NCKAP5: variants seen among roughly 807,000 people sequenced by gnomAD.
NCKAP5 encodes the protein NCK associated protein 5.
Under a neutral mutation model 167.0 loss-of-function variants are expected in NCKAP5, and 92 were observed. The ratio of observed to expected loss-of-function variants is 0.55; its 90% CI spans 0.47 to 0.66. The LOEUF is 0.66. Among genes scored for constraint, NCKAP5 ranks in the 30% least tolerant of loss-of-function variants. The probability of loss-of-function intolerance (pLI) is 0.00; values close to 1 mark genes in which losing one functional copy is unlikely to be tolerated. For synonymous variants in NCKAP5, 891 were observed against 877.4 expected (o/e 1.02, Z -0.27); for missense variants, 2,378 against 2,315.0 (o/e 1.03, Z -0.56).
intron 11 of NCKAP5, among the ~76,000 whole-genome samples, chr2:132,858,411 A>G (rs1689632209): frequency 6.6e-6 from 1 of 152,254 alleles, no homozygotes; most frequent in South Asian, 2.1e-4. Context: ...CACTCAACGC[A>G]TAATGACTGA....
chr2:133,365,443 G>A (rs149083335), intron 3 of NCKAP5, among the ~76,000 whole-genome samples: 1 of 151,836 alleles, frequency 6.6e-6, no homozygotes, highest in East Asian at 1.9e-4. Flanking sequence ...GACTCTGGTT[G>A]CCTGTCCTAC....
chr2:132,739,577 C>T (rs1455878764), intron 16 of NCKAP5, among the ~76,000 whole-genome samples: 1 of 152,076 alleles, frequency 6.6e-6, no homozygotes, highest in African/African-American at 2.4e-5. Context: ...AACCGGTTGT[C>T]AGGGAGAAGT....
chr2:133,379,208 A>T (rs544117453), intron 3 of NCKAP5, among the ~76,000 whole-genome samples: 1 of 152,346 alleles, frequency 6.6e-6, no homozygotes, highest in South Asian at 2.1e-4. Flanking sequence ...ACATTATTTC[A>T]CACTTCACTG....
chr2:133,503,568 A>G (rs977218176), intron 3 of NCKAP5, among the ~76,000 whole-genome samples: 1 of 152,146 alleles, frequency 6.6e-6, no homozygotes, highest in Non-Finnish European at 1.5e-5. Context: ...ACTTATCAAC[A>G]TGGGCAGTGA....
At chr2:133,552,959 A>G (rs1687469539) in intron 2 of NCKAP5, among the ~76,000 whole-genome samples, 1 of 152,150 alleles carries the variant, frequency 6.6e-6, no homozygotes, top group Non-Finnish European at 1.5e-5. Context: ...TCAGAGCCCA[A>G]GTTTTAAAAA....
chr2:133,383,914 T>C (rs1686726949), intron 3 of NCKAP5, among the ~76,000 whole-genome samples: 3 of 152,194 alleles, frequency 2.0e-5, no homozygotes. Flanking sequence ...ATGGGGTTGT[T>C]TTTTTCTTGT....
chr2:132,957,439 C>T (rs72994876), intron 8 of NCKAP5, among the ~76,000 whole-genome samples: 2,939 of 152,296 alleles, frequency 0.019, 105 homozygotes, highest in African/African-American at 0.067. Context: ...TCACTGACTA[C>T]ATGACCTTGG....
the NCKAP5 span, among the ~76,000 whole-genome samples, chr2:133,607,293 T>C: frequency 1.3e-5 from 2 of 152,232 alleles, no homozygotes; most frequent in Admixed American, 6.5e-5. Flanking sequence ...GAGGTGAGTT[T>C]GTTGCTCCCT....
intron 3 of NCKAP5, among the ~76,000 whole-genome samples, chr2:133,475,012 T>C (rs1307804044): frequency 6.6e-6 from 1 of 152,152 alleles, no homozygotes. Flanking sequence ...GGTTTCACCA[T>C]GCGGACCAGG....
At chr2:132,715,338 C>T (rs1037876963) in intron 19 of NCKAP5, among the ~76,000 whole-genome samples, 3 of 152,128 alleles carry the variant, frequency 2.0e-5, no homozygotes, top group Non-Finnish European at 2.9e-5. Flanking sequence ...GTTAATCTTC[C>T]GTGTCTGGTG....
chr2:132,948,390 A>G (rs1340764289), intron 8 of NCKAP5, among the ~76,000 whole-genome samples: 1 of 152,180 alleles, frequency 6.6e-6, no homozygotes, highest in Non-Finnish European at 1.5e-5. Flanking sequence ...AGAAGTTAAA[A>G]GGGACTGTTG....
At chr2:132,891,815 C>A (rs927293764) in intron 8 of NCKAP5, among the ~76,000 whole-genome samples, 1 of 152,230 alleles carries the variant, frequency 6.6e-6, no homozygotes, top group African/African-American at 2.4e-5. Context: ...TAAAGCAGAT[C>A]TATCTTCCTA....
chr2:133,619,684 G>A, the NCKAP5 span, among the ~76,000 whole-genome samples: 4 of 151,992 alleles, frequency 2.6e-5, no homozygotes, highest in African/African-American at 7.2e-5. Flanking sequence ...CATTTTTGAG[G>A]GAATAATCAA....
chr2:133,469,987 G>A (rs146799993), intron 3 of NCKAP5, among the ~76,000 whole-genome samples: 32,763 of 150,904 alleles, frequency 0.22, 3,943 homozygotes, highest in East Asian at 0.4. Flanking sequence ...TAATTTGATC[G>A]TCTGAAGCCT....
At chr2:132,861,472 A>G (rs1197557508) in intron 10 of NCKAP5, among the ~76,000 whole-genome samples, 4 of 150,186 alleles carry the variant, frequency 2.7e-5, no homozygotes, top group Non-Finnish European at 2.9e-5. Flanking sequence ...CTGCATTTCA[A>G]ACTATCTTTC....
In NCKAP5 at chr2:133,094,725, CA is replaced by C. The variant is rs1385585807; in HGVS notation, c.341+35252del. Among the ~76,000 whole-genome samples, 5 of 152,216 alleles carry C rather than the reference CA, an allele frequency of 3.3e-5. No individual in the cohort carries two copies. The East Asian group carries it at 9.7e-4, about 29-fold the overall frequency. Reference sequence around the variant, plus strand: ...ACTAATAAGTTGACTTTGAGTTAATCAAAAGAGATCATCTAAGTGGACCTAA... The same window carrying C: ...ACTAATAAGTTGACTTTGAGTTAATCAAAGAGATCATCTAAGTGGACCTAA... On this transcript the variant is annotated intron_variant, in intron 6 of 19. Transcript: ENST00000409261.
At chr2:133,147,504 G>T (rs1299982756) in intron 5 of NCKAP5, among the ~76,000 whole-genome samples, 1 of 152,090 alleles carries the variant, frequency 6.6e-6, no homozygotes, top group East Asian at 1.9e-4. Flanking sequence ...TATAAAATTG[G>T]AGTCACTCCT....
intron 6 of NCKAP5, among the ~76,000 whole-genome samples, chr2:133,027,648 A>G (rs537238553): frequency 6.6e-6 from 1 of 152,304 alleles, no homozygotes; most frequent in African/African-American, 2.4e-5. Context: ...GCTGGACTAG[A>G]ACTGTTAGGT....
chr2:133,430,091 A>T (rs1326118535), intron 3 of NCKAP5, among the ~76,000 whole-genome samples: 1 of 151,964 alleles, frequency 6.6e-6, no homozygotes, highest in Non-Finnish European at 1.5e-5. Context: ...GTATTGTTTC[A>T]TATGTTTGTC....
Sources: allele counts gnomAD v4.1 joint callset (sites outside exome capture counted in the v4.1 genomes callset), GRCh38; gene constraint gnomAD v4.1.1; transcripts MANE v1.5; gene names NCBI Gene and HGNC (gene_info 2026-07-23, HGNC 2026-07-21).